Variants in SHLD2 observed in about 807,000 individuals in gnomAD.
SHLD2 encodes the protein shieldin complex subunit 2.
A neutral mutation model predicts 73.2 loss-of-function variants in SHLD2; 30 were observed. The observed-to-expected ratio is 0.41, with a 90% CI of 0.31 to 0.56. SHLD2 has a LOEUF of 0.56. SHLD2 is among the 20% of genes least tolerant of loss of function. The pLI, the probability that SHLD2 is intolerant of heterozygous loss-of-function variation, is 0.28. For synonymous variants in SHLD2, 285 were observed against 370.1 expected (o/e 0.77, Z 2.64); for missense variants, 745 against 1,055.9 (o/e 0.71, Z 4.08).
At chr10:87,128,658 T>C (rs1844209860) in intron 2 of SHLD2, among the ~76,000 whole-genome samples, 1 of 152,228 alleles carries the variant, frequency 6.6e-6, no homozygotes, top group South Asian at 2.1e-4. Flanking sequence ...TGCTCCATTG[T>C]CTTCTAGCTT....
At chr10:87,106,569 G>A (rs1460136309) in intron 2 of SHLD2, among the ~76,000 whole-genome samples, 1 of 152,220 alleles carries the variant, frequency 6.6e-6, no homozygotes, top group East Asian at 1.9e-4. Context: ...TTTTTGAACA[G>A]CTTTTTACTA....
chr10:87,143,333 C>T lies in SHLD2; in HGVS notation c.-5-8017C>T, dbSNP rs538875774. On this transcript the variant is annotated intron_variant, in intron 2 of 9. Coordinates refer to ENST00000298786, the MANE Select transcript of SHLD2 (RefSeq NM_001330112.2). Reference sequence around the variant, plus strand: ...ATTTCTTCTTCGACCTTAGGCGTGACATTGGACAAATGACATCTGGGCTGA... The same window carrying T: ...ATTTCTTCTTCGACCTTAGGCGTGATATTGGACAAATGACATCTGGGCTGA... 4.6e-5 allele frequency among the ~76,000 whole-genome samples: 7 copies of T among 152,230 alleles called. No individual in the cohort carries two copies. In the East Asian group the frequency reaches 1.4e-3, roughly 29 times the overall value.
chr10:87,104,733 T>G (rs1247260041), intron 2 of SHLD2, among the ~76,000 whole-genome samples: 2 of 151,800 alleles, frequency 1.3e-5, no homozygotes, highest in African/African-American at 4.8e-5. Context: ...CAATCTCGGC[T>G]CGCTGCAACC....
At chr10:87,144,616 ATTTTT>A (rs548218721) in intron 2 of SHLD2, among the ~76,000 whole-genome samples, 17 of 89,498 alleles carry the variant, frequency 1.9e-4, no homozygotes, top group South Asian at 8.3e-4. Flanking sequence ...GCATTTACTA[ATTTTT>A]TTTTTTTTTT....
chr10:87,107,014 T>C (rs1432625336), intron 2 of SHLD2, among the ~76,000 whole-genome samples: 1 of 150,012 alleles, frequency 6.7e-6, no homozygotes, highest in Middle Eastern at 3.2e-3. Flanking sequence ...GTGATTGCAT[T>C]CTTGGAGGGC....
chr10:87,158,173 T>C lies in SHLD2; in HGVS notation c.1633+18T>C. 1 of 1,607,156 alleles carries C rather than the reference T, an allele frequency of 6.2e-7. No individual in the cohort carries two copies. The highest frequency in any genetic ancestry group is 8.5e-7 in the Non-Finnish European group (1 of 1,177,172). Reference sequence around the variant, plus strand: ...TGAAGAATGTAAGGCACATTTTAAATGAAGTAATGTAGTAGTGTTTAAAGT... The same window carrying C: ...TGAAGAATGTAAGGCACATTTTAAACGAAGTAATGTAGTAGTGTTTAAAGT... On this transcript the variant is annotated intron_variant, in intron 4 of 9. Coordinates refer to ENST00000298786, the MANE Select transcript of SHLD2 (RefSeq NM_001330112.2).
At chr10:87,126,622 T>C (rs973638265) in intron 2 of SHLD2, among the ~76,000 whole-genome samples, 1 of 152,140 alleles carries the variant, frequency 6.6e-6, no homozygotes, top group African/African-American at 2.4e-5. Context: ...AAGTTTTATA[T>C]TATTAAAACT....
intron 8 of SHLD2, 138 bp downstream of exon 8, chr10:87,180,441 C>A: frequency 2.6e-6 from 3 of 1,162,302 alleles, no homozygotes; most frequent in Non-Finnish European, 2.4e-6. Context: ...TGATAGATAG[C>A]TATTTATGGA....
At chr10:87,108,494 G>A (rs1842737329) in intron 2 of SHLD2, among the ~76,000 whole-genome samples, 2 of 152,130 alleles carry the variant, frequency 1.3e-5, no homozygotes, top group African/African-American at 4.8e-5. Context: ...GCCTAGAGAT[G>A]AGGTCTTGCT....
At chr10:87,182,735 G>A (rs894518645) in intron 8 of SHLD2, among the ~76,000 whole-genome samples, 2 of 152,118 alleles carry the variant, frequency 1.3e-5, no homozygotes, top group Non-Finnish European at 2.9e-5. Context: ...AGAGGTTATA[G>A]TCAAGGTGTA....
chr10:87,160,742 C>T (rs1352694971), intron 4 of SHLD2, among the ~76,000 whole-genome samples: 1 of 152,184 alleles, frequency 6.6e-6, no homozygotes, highest in African/African-American at 2.4e-5. Context: ...GTAATCCCAG[C>T]ACTTTGGGAG....
At chr10:87,134,761 C>T (rs1336165767) in intron 2 of SHLD2, among the ~76,000 whole-genome samples, 1 of 152,192 alleles carries the variant, frequency 6.6e-6, no homozygotes, top group African/African-American at 2.4e-5. Context: ...ACCCCACACT[C>T]TGGCAGTCCA....
At chr10:87,158,431 C>T (rs1846588382) in intron 4 of SHLD2, among the ~76,000 whole-genome samples, 4 of 152,114 alleles carry the variant, frequency 2.6e-5, no homozygotes, top group Admixed American at 2.6e-4. Context: ...TCAGAGACCT[C>T]TTTGAGAATC....
intron 9 of SHLD2, among the ~76,000 whole-genome samples, chr10:87,190,272 A>G (rs2134826604): frequency 6.6e-6 from 1 of 152,300 alleles, no homozygotes; most frequent in South Asian, 2.1e-4. Context: ...TTGGCCAGGC[A>G]TGTCTCGCAC....
intron 4 of SHLD2, among the ~76,000 whole-genome samples, chr10:87,160,333 G>A (rs1156265043): frequency 2.0e-5 from 3 of 151,914 alleles, no homozygotes; most frequent in Non-Finnish European, 2.9e-5. Flanking sequence ...CTAAAAATAC[G>A]GAAAAATTAG....
intron 8 of SHLD2, among the ~76,000 whole-genome samples, chr10:87,185,803 C>T (rs1172058153): frequency 6.6e-6 from 1 of 152,024 alleles, no homozygotes; most frequent in Non-Finnish European, 1.5e-5. Flanking sequence ...GTTGTCCCAG[C>T]GTGAATTTTT....
At chr10:87,137,884 G>A (rs1257036109) in intron 2 of SHLD2, among the ~76,000 whole-genome samples, 6 of 152,164 alleles carry the variant, frequency 3.9e-5, no homozygotes, top group Non-Finnish European at 7.3e-5. Flanking sequence ...ATGGCAACAT[G>A]GGTTATGGCT....
chr10:87,159,848 G>C (rs190112974), intron 4 of SHLD2, among the ~76,000 whole-genome samples: 7 of 152,218 alleles, frequency 4.6e-5, no homozygotes, highest in Non-Finnish European at 8.8e-5. Context: ...GGCATGTTAA[G>C]TTTTAGATAT....
upstream of SHLD2, chr10:87,094,569 G>A: frequency 6.2e-7 from 1 of 1,611,930 alleles, no homozygotes; most frequent in Non-Finnish European, 8.5e-7. The surrounding 1 kb of genome is among the most constrained non-coding windows in gnomAD (Gnocchi z 6.6). Flanking sequence ...CCACCATCTT[G>A]AAGAAGTTGG....
Sources: gnomAD v4.1 joint callset for allele counts (sites outside exome capture counted in the v4.1 genomes callset) on GRCh38, gnomAD v4.1.1 for gene constraint, Gnocchi (gnomAD v3.1) non-coding constraint, MANE v1.5 for transcripts, NCBI Gene and HGNC (gene_info 2026-07-23, HGNC 2026-07-21) for gene names.